GPC5: variants seen among roughly 807,000 people sequenced by gnomAD.
The protein encoded by GPC5 is glypican-5.
Under a neutral mutation model 53.9 loss-of-function variants are expected in GPC5, and 47 were observed. The observed-to-expected ratio is 0.87, with a 90% confidence interval of 0.69 to 1.11. The LOEUF (loss-of-function observed/expected upper bound fraction) is 1.11, where lower values mean the gene tolerates loss of function less well. Among genes scored for constraint, GPC5 ranks in the 50% most tolerant of loss-of-function variants. The pLI is 0.00. For missense variants in GPC5, 748 were observed against 713.1 expected, an observed-to-expected ratio of 1.05 and a Z score of -0.56; for synonymous variants, 286 against 263.3, an observed-to-expected ratio of 1.09 and a Z score of -0.84.
chr13:92,530,471 TTTTTG>T (rs1881522485), intron 7 of GPC5, among the ~76,000 whole-genome samples: 1 of 152,090 alleles, frequency 6.6e-6, no homozygotes, highest in African/African-American at 2.4e-5. Flanking sequence ...CATTGAAGTT[TTTTTG>T]TTTTGTTTTT....
At chr13:91,764,995 T>A (rs1413501847) in intron 5 of GPC5, among the ~76,000 whole-genome samples, 1 of 152,230 alleles carries the variant, frequency 6.6e-6, no homozygotes, top group Non-Finnish European at 1.5e-5. Flanking sequence ...CTCTTTCTGC[T>A]GAGATCTTTT....
At chr13:92,292,636 C>T (rs1426933719) in intron 7 of GPC5, among the ~76,000 whole-genome samples, 2 of 151,484 alleles carry the variant, frequency 1.3e-5, no homozygotes, top group Non-Finnish European at 3.0e-5. Context: ...GTTTACTCGG[C>T]TATTTCTTTT....
intron 7 of GPC5, among the ~76,000 whole-genome samples, chr13:92,436,943 T>C (rs559769027): frequency 9.2e-4 from 140 of 152,274 alleles, no homozygotes; most frequent in African/African-American, 3.3e-3. Context: ...ATTTTATAAC[T>C]TTAATTATTT....
intron 6 of GPC5, among the ~76,000 whole-genome samples, chr13:91,943,797 CATT>C (rs1470043616): frequency 3.3e-5 from 5 of 152,010 alleles, no homozygotes; most frequent in African/African-American, 1.2e-4. Context: ...AGAGATGTAA[CATT>C]GTTAAATCAT....
intron 1 of GPC5, among the ~76,000 whole-genome samples, chr13:91,401,678 G>A (rs1308264574): frequency 6.6e-6 from 1 of 152,168 alleles, no homozygotes; most frequent in South Asian, 2.1e-4. Flanking sequence ...ATATAAGCAG[G>A]TAGAATAAGT....
intron 7 of GPC5, among the ~76,000 whole-genome samples, chr13:92,516,220 G>T (rs2138960264): frequency 6.6e-6 from 1 of 151,638 alleles, no homozygotes; most frequent in East Asian, 2.0e-4. Context: ...TGAGTACTGT[G>T]GGAGAACATA....
intron 7 of GPC5, among the ~76,000 whole-genome samples, chr13:92,211,018 C>G (rs1009421595): frequency 1.3e-5 from 2 of 152,098 alleles, no homozygotes; most frequent in African/African-American, 4.8e-5. Context: ...TAAACAACTC[C>G]TTTAATATGA....
intron 5 of GPC5, among the ~76,000 whole-genome samples, chr13:91,773,098 C>T (rs2037654021): frequency 6.6e-6 from 1 of 152,140 alleles, no homozygotes; most frequent in Admixed American, 6.6e-5. Context: ...ATGTACAGAG[C>T]ACCTTCTACA....
intron 7 of GPC5, among the ~76,000 whole-genome samples, chr13:92,587,124 G>A (rs1883562668): frequency 6.6e-6 from 1 of 152,084 alleles, no homozygotes; most frequent in East Asian, 1.9e-4. Context: ...AACTGTTATT[G>A]TACTCCTAAG....
intron 7 of GPC5, among the ~76,000 whole-genome samples, chr13:92,281,975 A>G (rs190874283): frequency 6.6e-6 from 1 of 152,022 alleles, no homozygotes; most frequent in Non-Finnish European, 1.5e-5. Context: ...TTCAATCCCA[A>G]CACAAAGAAG....
intron 7 of GPC5, among the ~76,000 whole-genome samples, chr13:92,366,809 T>C (rs1180678356): frequency 6.6e-6 from 1 of 152,232 alleles, no homozygotes; most frequent in African/African-American, 2.4e-5. Flanking sequence ...GAAACTCTGA[T>C]AGTGTTATTC....
intron 1 of GPC5, among the ~76,000 whole-genome samples, chr13:91,445,256 G>A (rs1880707732): frequency 6.6e-6 from 1 of 152,144 alleles, no homozygotes; most frequent in Non-Finnish European, 1.5e-5. Flanking sequence ...CCATTTTGAA[G>A]TAAAATAAAG....
At chr13:92,001,116 T>C (rs1298887671) in intron 6 of GPC5, among the ~76,000 whole-genome samples, 1 of 152,216 alleles carries the variant, frequency 6.6e-6, no homozygotes, top group Non-Finnish European at 1.5e-5. Context: ...TCCAGAATAA[T>C]AGGCATAGCA....
intron 5 of GPC5, among the ~76,000 whole-genome samples, chr13:91,838,571 A>C (rs1003759892): frequency 6.6e-6 from 1 of 152,024 alleles, no homozygotes; most frequent in Non-Finnish European, 1.5e-5. Flanking sequence ...CCCAGGGTGC[A>C]CAGAAGTAGA....
chr13:91,699,812 A>G (rs1181066176), intron 3 of GPC5, among the ~76,000 whole-genome samples: 1 of 152,210 alleles, frequency 6.6e-6, no homozygotes, highest in Non-Finnish European at 1.5e-5. Context: ...TCTTTTCTAA[A>G]GGTTTTCACC....
intron 7 of GPC5, among the ~76,000 whole-genome samples, chr13:92,184,537 AG>A (rs2042170665): frequency 6.6e-6 from 1 of 152,190 alleles, no homozygotes; most frequent in African/African-American, 2.4e-5. Flanking sequence ...TAAATAACTA[AG>A]AGCAACCTTC....
intron 7 of GPC5, among the ~76,000 whole-genome samples, chr13:92,282,838 T>G (rs2042926388): frequency 6.6e-6 from 1 of 152,140 alleles, no homozygotes; most frequent in Admixed American, 6.6e-5. Flanking sequence ...CATCAACTAG[T>G]GAGCAAAATA....
At chr13:92,108,103 TC>T (rs1566438421) in intron 6 of GPC5, among the ~76,000 whole-genome samples, 5 of 152,212 alleles carry the variant, frequency 3.3e-5, no homozygotes, top group Admixed American at 1.3e-4. Context: ...CCATTAGTCA[TC>T]CTTTCCTTTG....
chr13:91,978,243 C>T (rs1039172917), intron 6 of GPC5, among the ~76,000 whole-genome samples: 4 of 152,198 alleles, frequency 2.6e-5, no homozygotes, highest in South Asian at 2.1e-4. Context: ...TCAGCATGTT[C>T]GGATTACTGC....
Sources: gnomAD v4.1 joint callset for allele counts (sites outside exome capture counted in the v4.1 genomes callset) on GRCh38, gnomAD v4.1.1 for gene constraint, MANE v1.5 for transcripts, NCBI Gene and HGNC (gene_info 2026-07-23, HGNC 2026-07-21) for gene names.